The following PPP2CA variants were observed in gnomAD, a reference collection of about 807,000 sequenced individuals.
The protein encoded by PPP2CA is serine/threonine-protein phosphatase 2A catalytic subunit alpha isoform.
PPP2CA carries 5 observed loss-of-function variants against 38.8 expected under a neutral mutation model. That is an observed-to-expected ratio of 0.13 (90% confidence interval 0.07 to 0.27). PPP2CA has a LOEUF of 0.27. PPP2CA is among the 10% of genes least tolerant of loss of function. The pLI is 1.00. For synonymous variants in PPP2CA, 152 were observed against 134.0 expected, an observed-to-expected ratio of 1.13 and a Z score of -0.93; for missense variants, 88 against 389.7, an observed-to-expected ratio of 0.23 and a Z score of 6.52.
chr5:134,195,211 T>G lies in PPP2CA; in HGVS notation c.*2561A>C, dbSNP rs1761822950. The stretch of plus-strand genomic sequence containing the variant: ...ACAAATTCATTGTAAACTTACAAAA[T>G]AAGTTTCAAAATTTCTGCAAGCCCT... On this transcript the variant is annotated 3_prime_UTR_variant, in exon 7 of 7. Transcript: ENST00000481195. The G allele has an allele frequency of 6.6e-6, 1 of 152,140 alleles. No homozygotes were observed. Among genetic ancestry groups the G allele is most frequent in the African/African-American group, 2.4e-5 (1 of 41,414 alleles). The allele number at this position is 152,140 out of a possible 1,614,324, so 9.4% of individuals were successfully genotyped here.
chr5:134,219,565 G>A (rs1280487551), intron 1 of PPP2CA, among the ~76,000 whole-genome samples: 3 of 152,196 alleles, frequency 2.0e-5, no homozygotes, highest in East Asian at 1.9e-4. Context: ...TGGCAACACA[G>A]GGTGCAAGAG....
At chr5:134,211,769 C>G (rs545542485) in intron 1 of PPP2CA, among the ~76,000 whole-genome samples, 1 of 151,910 alleles carries the variant, frequency 6.6e-6, no homozygotes, top group Admixed American at 6.6e-5. Flanking sequence ...AGCCACTGCG[C>G]CCAGTGGAAG....
intron 1 of PPP2CA, among the ~76,000 whole-genome samples, chr5:134,214,123 T>C (rs1015777826): frequency 2.0e-5 from 3 of 151,980 alleles, no homozygotes; most frequent in African/African-American, 4.8e-5. Context: ...AGTAAGACTC[T>C]CTCTCAAAAC....
intron 5 of PPP2CA, among the ~76,000 whole-genome samples, chr5:134,199,807 A>G (rs1488828735): frequency 6.6e-6 from 1 of 152,146 alleles, no homozygotes; most frequent in East Asian, 1.9e-4. Flanking sequence ...TACCTTTAGC[A>G]AAGTCAGATT....
At position 134,197,044 on chromosome 5, in the gene PPP2CA, A is replaced by G. The variant is rs1355745806; in HGVS notation, c.*728T>C. The G allele has an allele frequency of 6.6e-6, 1 of 152,670 alleles. No homozygotes were observed. Among genetic ancestry groups the G allele is most frequent in the African/African-American group, 2.4e-5 (1 of 41,470 alleles). 9.5% of individuals were successfully genotyped at this position (152,670 alleles called of 1,614,324 possible). Reference sequence around the variant, plus strand: ...ACTCAATTGATTTAACTTTTTTAATAAACAGCACCAGTCTTGCCCATTGAT... The same window carrying G: ...ACTCAATTGATTTAACTTTTTTAATGAACAGCACCAGTCTTGCCCATTGAT... On this transcript the variant is annotated 3_prime_UTR_variant, in exon 7 of 7. Transcript: ENST00000481195.
At chr5:134,207,113 C>A (rs534586563) in intron 1 of PPP2CA, among the ~76,000 whole-genome samples, 1 of 152,110 alleles carries the variant, frequency 6.6e-6, no homozygotes, top group East Asian at 1.9e-4. Flanking sequence ...ATTAAAAATC[C>A]CAATGCCCAG....
intron 1 of PPP2CA, among the ~76,000 whole-genome samples, chr5:134,211,934 A>G (rs1430137073): frequency 6.6e-6 from 1 of 152,052 alleles, no homozygotes; most frequent in Non-Finnish European, 1.5e-5. Context: ...CCTGGCCAAC[A>G]TGGTGAAACC....
chr5:134,205,800 T>G (rs1762071316), intron 2 of PPP2CA, 122 bp downstream of exon 2: 2 of 807,834 alleles, frequency 2.5e-6, no homozygotes, highest in South Asian at 3.4e-5. Flanking sequence ...CCTGAACATA[T>G]GCATTCCTAA....
At chr5:134,211,743 T>C (rs2149386106) in intron 1 of PPP2CA, among the ~76,000 whole-genome samples, 1 of 151,826 alleles carries the variant, frequency 6.6e-6, no homozygotes, top group East Asian at 2.0e-4. Flanking sequence ...TCCCAAAGGC[T>C]GGGATTACAG....
At chr5:134,207,850 G>A (rs780286104) in intron 1 of PPP2CA, among the ~76,000 whole-genome samples, 2 of 152,124 alleles carry the variant, frequency 1.3e-5, no homozygotes, top group African/African-American at 4.8e-5. Flanking sequence ...ACTGGCCTGA[G>A]ATACCTATTA....
intron 1 of PPP2CA, among the ~76,000 whole-genome samples, chr5:134,220,456 CA>C (rs10649430): frequency 4.3e-4 from 23 of 54,052 alleles, no homozygotes; most frequent in East Asian, 4.2e-3. Flanking sequence ...GACTCTATCT[CA>C]AAAAAAAAAA....
chr5:134,225,391 C>T (rs576798080), intron 1 of PPP2CA: 9 of 210,210 alleles, frequency 4.3e-5, no homozygotes, highest in Non-Finnish European at 8.7e-5. Flanking sequence ...CTCAGCCCAC[C>T]GGAGAGGCCC....
chr5:134,212,274 C>T (rs964929254), intron 1 of PPP2CA, among the ~76,000 whole-genome samples: 1 of 152,162 alleles, frequency 6.6e-6, no homozygotes, highest in African/African-American at 2.4e-5. Flanking sequence ...CATTTTCCCA[C>T]CAGCATGTGC....
Position 134,199,142 on chromosome 5 carries a change from A to G in PPP2CA, c.801T>C (p.Tyr267=), listed in dbSNP as rs115191122. The part of the protein sequence containing the change: ...VTIFSAPNYC[Y]RCGNQAAIME... ...TGATTGCAGCTTGGTTACCACAACG[A>G]TAACAATAGTTTGGAGCACTGAAAA... Residue 267 remains tyrosine, a synonymous_variant, in exon 6 of 7, where the codon TAT becomes TAC. Transcript: ENST00000481195. 15 of 1,614,178 alleles carry G rather than the reference A, an allele frequency of 9.3e-6. No homozygotes were observed. The highest frequency in any genetic ancestry group is 2.7e-5 in the African/African-American group (2 of 75,080).
intron 1 of PPP2CA, among the ~76,000 whole-genome samples, chr5:134,211,352 T>C (rs1165186744): frequency 6.6e-6 from 1 of 152,130 alleles, no homozygotes; most frequent in Non-Finnish European, 1.5e-5. Context: ...ATAAGATAAA[T>C]GACCCACAGA....
At chr5:134,211,029 A>G (rs192983399) in intron 1 of PPP2CA, among the ~76,000 whole-genome samples, 1 of 152,298 alleles carries the variant, frequency 6.6e-6, no homozygotes, top group East Asian at 1.9e-4. Context: ...AACATCTCAT[A>G]CTGTCCTAGA....
At chr5:134,221,385 T>C (rs999826336) in intron 1 of PPP2CA, among the ~76,000 whole-genome samples, 1 of 152,184 alleles carries the variant, frequency 6.6e-6, no homozygotes, top group African/African-American at 2.4e-5. Context: ...AGTGCTAGGA[T>C]TACAGGCGTG....
At chr5:134,216,557 A>AAAAGG (rs57520870) in intron 1 of PPP2CA, among the ~76,000 whole-genome samples, 1 of 111,086 alleles carries the variant, frequency 9.0e-6, no homozygotes, top group Admixed American at 9.7e-5. Context: ...AAAAAAAAAA[A>AAAAGG]GTGGTTTCCT....
Position 134,197,644 on chromosome 5 carries a change from T to C in PPP2CA, c.*128A>G. ...TTGTATTTTTATATGGCACATCTTT[T>C]GGTCCATGTGAAAACAAGTTTTTTG... On this transcript the variant is annotated 3_prime_UTR_variant, in exon 7 of 7. Coordinates refer to ENST00000481195, the MANE Select transcript of PPP2CA (RefSeq NM_002715.4). 1.4e-6 allele frequency: 1 copy of C among 716,696 alleles called. No individual in the cohort carries two copies. The highest frequency in any genetic ancestry group is 2.4e-6 in the Non-Finnish European group (1 of 412,312). The allele number at this position is 716,696 out of a possible 1,614,324, so 44.4% of individuals were successfully genotyped here.
Sources: allele counts gnomAD v4.1 joint callset (sites outside exome capture counted in the v4.1 genomes callset), GRCh38; gene constraint gnomAD v4.1.1; transcripts MANE v1.5; gene names NCBI Gene and HGNC (gene_info 2026-07-23, HGNC 2026-07-21).